The following PTPRB variants were observed in gnomAD, a reference collection of about 807,000 sequenced individuals.
PTPRB encodes protein tyrosine phosphatase receptor type B.
PTPRB carries 97 observed loss-of-function variants against 238.1 expected under a neutral mutation model. The ratio of observed to expected loss-of-function variants is 0.41; its 90% CI spans 0.35 to 0.48. The LOEUF is 0.48. Among genes scored for constraint, PTPRB ranks in the 20% least tolerant of loss-of-function variants. The pLI is 0.30. For synonymous variants in PTPRB, 970 were observed against 995.4 expected (o/e 0.97, Z 0.48); for missense variants, 2,292 against 2,681.9 (o/e 0.85, Z 3.21).
At chr12:70,528,559 G>A (rs1382187152) in intron 32 of PTPRB, among the ~76,000 whole-genome samples, 1 of 152,072 alleles carries the variant, frequency 6.6e-6, no homozygotes, top group Non-Finnish European at 1.5e-5. Flanking sequence ...GCTTGGATGT[G>A]GGAACTGGAG....
chr12:70,530,319 A>G (rs545899028), intron 32 of PTPRB, among the ~76,000 whole-genome samples: 22 of 152,266 alleles, frequency 1.4e-4, no homozygotes, highest in African/African-American at 4.3e-4. Context: ...GAGTATCTCA[A>G]ATATACATAT....
intron 9 of PTPRB, among the ~76,000 whole-genome samples, chr12:70,582,820 C>T (rs1205845878): frequency 6.6e-6 from 1 of 152,032 alleles, no homozygotes; most frequent in African/African-American, 2.4e-5. Context: ...AAATGAAAAA[C>T]CGACAGAAAA....
intron 23 of PTPRB, 145 bp from the exon 24 acceptor site, chr12:70,540,167 G>A: frequency 3.1e-6 from 2 of 636,146 alleles, no homozygotes; most frequent in Admixed American, 3.0e-5. Flanking sequence ...ACATCTCTGA[G>A]GGAGGGAAAG....
At chr12:70,595,272 G>A (rs1882897451) in intron 5 of PTPRB, among the ~76,000 whole-genome samples, 1 of 152,032 alleles carries the variant, frequency 6.6e-6, no homozygotes, top group Admixed American at 6.5e-5. Flanking sequence ...CACAGGGAGG[G>A]GAACATCACA....
intron 8 of PTPRB, 33 bp from the exon 9 acceptor site, chr12:70,587,300 T>C (rs1308332236): frequency 6.2e-7 from 1 of 1,609,502 alleles, no homozygotes; most frequent in East Asian, 2.2e-5. Flanking sequence ...GGGTCATTGA[T>C]GGACTGAGGC....
chr12:70,540,797 G>A, intron 23 of PTPRB, 61 bp downstream of exon 23: 1 of 1,229,858 alleles, frequency 8.1e-7, no homozygotes, highest in Non-Finnish European at 1.2e-6. Context: ...AGCCTAAAGG[G>A]AATTTTCAGT....
intron 2 of PTPRB, among the ~76,000 whole-genome samples, chr12:70,623,781 T>A (rs190206041): frequency 6.6e-6 from 1 of 152,318 alleles, no homozygotes; most frequent in African/African-American, 2.4e-5. Context: ...ATACAACTAC[T>A]ATGTGCCAGG....
In PTPRB at chr12:70,534,801, G is replaced by A. The variant is rs185939089; in HGVS notation, c.6204+32C>T. The A allele has an allele frequency of 7.0e-5, 113 of 1,611,206 alleles. No homozygotes were observed. In the African/African-American group the frequency reaches 1.3e-3, roughly 19 times the overall value. On this transcript the variant is annotated intron_variant, in intron 30 of 33. Coordinates refer to ENST00000334414, the MANE Select transcript of PTPRB (RefSeq NM_001109754.4). ...TCACAGATCTCATTCATCTCCCCAA[G>A]CTCGGTTGTTAAGTCAAGCAAGCTA... is the stretch of plus-strand genomic sequence containing the variant.
intron 10 of PTPRB, among the ~76,000 whole-genome samples, chr12:70,580,729 G>T (rs553047375): frequency 1.3e-5 from 2 of 151,570 alleles, no homozygotes; most frequent in South Asian, 4.1e-4. Context: ...TGAGGCAGGA[G>T]AATTGCTGAA....
At chr12:70,630,917 C>A (rs556122382) in intron 2 of PTPRB, among the ~76,000 whole-genome samples, 36 of 152,046 alleles carry the variant, frequency 2.4e-4, no homozygotes, top group African/African-American at 7.2e-4. Flanking sequence ...CACTGCTCAA[C>A]GAAATAAAAG....
At position 70,521,306 on chromosome 12, in the gene PTPRB, T is replaced by TACA. The variant is rs1200417320; in HGVS notation, c.*180_*182dup. On this transcript the variant is annotated 3_prime_UTR_variant, in exon 34 of 34. Transcript: ENST00000334414. ...CATATTTACAGAAGAAACTACAAAATACAACTATGTACAATAATATCTGTT... is the reference window on the plus strand; with the variant it reads ...CATATTTACAGAAGAAACTACAAAATACAACAACTATGTACAATAATATCTGTT... 3 of 437,770 alleles carry TACA rather than the reference T, an allele frequency of 6.9e-6. No individual in the cohort carries two copies. Among genetic ancestry groups the TACA allele is most frequent in the African/African-American group, 4.0e-5 (2 of 49,470 alleles). 27.1% of individuals were successfully genotyped at this position (437,770 alleles called of 1,614,324 possible). A position where few individuals can be genotyped will look rare whatever the true frequency, so the allele number is the denominator to read the frequency against.
At position 70,560,682 on chromosome 12, in the gene PTPRB, T is replaced by G. The variant is rs1362204948; in HGVS notation, c.4421A>C (p.Glu1474Ala). 1.9e-6 allele frequency: 3 copies of G among 1,613,642 alleles called. No individual in the cohort carries two copies. The highest frequency in any genetic ancestry group is 1.1e-5 in the South Asian group (1 of 91,082). The change falls in exon 17 of 34, where the codon GAG (glutamate) becomes GCG (alanine). Residue 1474 changes from glutamate to alanine, a missense_variant. Glu to Ala is a moderately radical substitution (Grantham distance 107). Coordinates refer to ENST00000334414, the MANE Select transcript of PTPRB (RefSeq NM_001109754.4). This position sits in a 1 kb window ranked among gnomAD's most constrained non-coding sequence, Gnocchi z 4.2. Reference protein sequence around the residue: ...SGDLSNKVTAESRTAPSPPSL... With the variant: ...SGDLSNKVTAASRTAPSPPSL... ...CCTGGGCTTCTCACCTGTTCTGCTC[T>G]CCGCTGTGACTTTATTGCTGAGATC...
chr12:70,566,374 T>G, intron 15 of PTPRB, 61 bp downstream of exon 15: 7 of 1,562,420 alleles, frequency 4.5e-6, no homozygotes, highest in Non-Finnish European at 5.2e-6. Context: ...CACCCTGGGG[T>G]TCTTACACAA....
chr12:70,632,484 G>A (rs1445666232), intron 2 of PTPRB, among the ~76,000 whole-genome samples: 1 of 151,766 alleles, frequency 6.6e-6, no homozygotes, highest in East Asian at 1.9e-4. Context: ...TGTAAATGAC[G>A]AGTTGATGAG....
chr12:70,536,981 G>A (rs1210021038), intron 28 of PTPRB, among the ~76,000 whole-genome samples: 1 of 152,102 alleles, frequency 6.6e-6, no homozygotes, highest in Non-Finnish European at 1.5e-5. Context: ...ATCACCAAGA[G>A]GCTTGTCAGA....
At chr12:70,546,437 C>G (rs1875981365) in intron 21 of PTPRB, among the ~76,000 whole-genome samples, 1 of 152,176 alleles carries the variant, frequency 6.6e-6, no homozygotes, top group Non-Finnish European at 1.5e-5. Flanking sequence ...AAGTTTCATG[C>G]TCTCTGCATA....
At chr12:70,602,538 A>AGGCATTAT (rs1230346658) in intron 4 of PTPRB, among the ~76,000 whole-genome samples, 3 of 152,216 alleles carry the variant, frequency 2.0e-5, no homozygotes, top group East Asian at 3.8e-4. Flanking sequence ...CTAGGCATTA[A>AGGCATTAT]GGCATTATTG....
intron 15 of PTPRB, among the ~76,000 whole-genome samples, chr12:70,563,649 C>A (rs752719512): frequency 6.6e-6 from 1 of 152,196 alleles, no homozygotes; most frequent in African/African-American, 2.4e-5. Flanking sequence ...CACTTCTCTT[C>A]TGAGCTCAAA....
chr12:70,587,407 A>T, intron 8 of PTPRB, 140 bp from the exon 9 acceptor site: 1 of 1,053,340 alleles, frequency 9.5e-7, no homozygotes, highest in Non-Finnish European at 1.3e-6. Flanking sequence ...GCATTAAAAC[A>T]AAATCTTATC....
Sources: allele counts gnomAD v4.1 joint callset (sites outside exome capture counted in the v4.1 genomes callset), GRCh38; gene constraint gnomAD v4.1.1; non-coding constraint Gnocchi (gnomAD v3.1); transcripts MANE v1.5; gene names NCBI Gene and HGNC (gene_info 2026-07-23, HGNC 2026-07-21).